TTC7B: variants seen among roughly 807,000 people sequenced by gnomAD.
TTC7B encodes tetratricopeptide repeat domain 7B, also known as tetratricopeptide repeat protein 7B.
A neutral mutation model predicts 106.8 loss-of-function variants in TTC7B; 28 were observed. That is an observed-to-expected ratio of 0.26 (90% CI 0.19 to 0.36). The LOEUF (loss-of-function observed/expected upper bound fraction) is 0.36. Among genes scored for constraint, TTC7B ranks in the 10% least tolerant of loss-of-function variants. The probability of loss-of-function intolerance (pLI) is 1.00; values close to 1 mark genes in which losing one functional copy is unlikely to be tolerated. For missense variants in TTC7B, 862 were observed against 1,076.4 expected (o/e 0.80, Z 2.79); for synonymous variants, 405 against 430.6 (o/e 0.94, Z 0.74).
At chr14:90,688,086 C>A (rs919084472) in intron 7 of TTC7B, among the ~76,000 whole-genome samples, 3 of 152,236 alleles carry the variant, frequency 2.0e-5, no homozygotes, top group African/African-American at 7.2e-5. Context: ...CTCATCCTCT[C>A]AGCTGTTTTT....
chr14:90,770,102 T>A lies in TTC7B; in HGVS notation c.445+10636A>T, dbSNP rs115805708. On this transcript the variant is annotated intron_variant, in intron 3 of 19. Transcript: ENST00000328459. ...AGTTCAAAGTTACAGTGAGCTATGA[T>A]AGCACCACTGCAATCCAGCCTGGGC... Among the ~76,000 whole-genome samples the A allele has an allele frequency of 3.8e-3, 575 of 152,252 alleles. 2 individuals are homozygous for A. Among genetic ancestry groups the A allele is most frequent in the African/African-American group, 0.013 (556 of 41,566 alleles).
At chr14:90,601,908 C>T (rs1288500072) in intron 17 of TTC7B, 1 of 311,986 alleles carries the variant, frequency 3.2e-6, no homozygotes, top group Non-Finnish European at 6.3e-6. Context: ...GGCGAGTTGC[C>T]GGGTGACTCC....
chr14:90,812,974 A>G lies in TTC7B; in HGVS notation c.121+3201T>C, dbSNP rs79348953. Among the ~76,000 whole-genome samples the G allele has an allele frequency of 2.4e-3, 371 of 152,282 alleles. 3 individuals are homozygous for G. The highest frequency in any genetic ancestry group is 4.1e-3 in the Non-Finnish European group (281 of 68,002). On this transcript the variant is annotated intron_variant, in intron 1 of 19. Transcript: ENST00000328459. ...ATGCTGCTGGGTGGGGAAGCCCACT[A>G]CAAGTGGGAGCTTTGGGAAGGAGGG... is the stretch of plus-strand genomic sequence containing the variant.
chr14:90,541,889 C>T (rs1028646729), intron 19 of TTC7B, among the ~76,000 whole-genome samples: 5 of 152,252 alleles, frequency 3.3e-5, no homozygotes, highest in African/African-American at 1.2e-4. Context: ...AGTCCGCAGT[C>T]TGCACTGACC....
At chr14:90,646,930 G>A in intron 14 of TTC7B, 21 bp downstream of exon 14, 1 of 1,607,228 alleles carries the variant, frequency 6.2e-7, no homozygotes, top group Non-Finnish European at 8.5e-7. Flanking sequence ...AGCAAGTATA[G>A]GAAACATTAG....
At position 90,759,677 on chromosome 14, in the gene TTC7B, A is replaced by G. The variant is rs890339136; in HGVS notation, c.446-14755T>C. On this transcript the variant is annotated intron_variant, in intron 3 of 19. Transcript: ENST00000328459. The surrounding 1 kb of genome is among the most constrained non-coding windows in gnomAD (Gnocchi z 4.1). ...AGTGTAGGCAGAAGAGGCATTAGAC[A>G]CAAGAGTATTTGTTTTTATATCAGG... Among the ~76,000 whole-genome samples the G allele has an allele frequency of 6.6e-6, 1 of 152,244 alleles. No individual in the cohort carries two copies. The highest frequency in any genetic ancestry group is 1.5e-5 in the Non-Finnish European group (1 of 68,040).
chr14:90,658,024 A>G (rs1004193681), intron 10 of TTC7B: 1 of 435,000 alleles, frequency 2.3e-6, no homozygotes, highest in African/African-American at 2.0e-5. Flanking sequence ...GTGTCTGTGT[A>G]AAACATCAGC....
chr14:90,741,661 T>A (rs924974782), intron 4 of TTC7B, among the ~76,000 whole-genome samples: 1 of 152,152 alleles, frequency 6.6e-6, no homozygotes, highest in African/African-American at 2.4e-5. Context: ...GTCAATTAAG[T>A]TCAACATTTA....
chr14:90,709,736 G>T (rs1240160899), intron 5 of TTC7B, among the ~76,000 whole-genome samples: 1 of 151,514 alleles, frequency 6.6e-6, no homozygotes, highest in Non-Finnish European at 1.5e-5. Flanking sequence ...GAATATTTAT[G>T]AGCAATTACA....
intron 9 of TTC7B, among the ~76,000 whole-genome samples, chr14:90,666,065 G>C (rs1886397428): frequency 2.0e-5 from 3 of 152,192 alleles, no homozygotes; most frequent in Admixed American, 2.0e-4. Context: ...CTAAGACCCA[G>C]AGAGGAGACA....
chr14:90,718,789 C>T (rs1285212228), intron 5 of TTC7B, among the ~76,000 whole-genome samples: 1 of 143,438 alleles, frequency 7.0e-6, no homozygotes, highest in Non-Finnish European at 1.5e-5. Flanking sequence ...GGATGCACAA[C>T]TATACACCAG....
rs541319175 is a variant in TTC7B at position 90,771,890 on chromosome 14, CAT to C, written c.445+8846_445+8847del. ...TTTAAAAATAAATATTAAGTATATA[CAT>C]ATATATGTATATATTTCTTTATTTT... On this transcript the variant is annotated intron_variant, in intron 3 of 19. Transcript: ENST00000328459. Among the ~76,000 whole-genome samples the C allele has an allele frequency of 1.0e-3, 151 of 144,208 alleles. 1 individual carries two copies. Among genetic ancestry groups the C allele is most frequent in the Middle Eastern group, 3.7e-3 (1 of 270 alleles). 94.6% of individuals were successfully genotyped at this position (144,208 alleles called of 152,430 possible).
In TTC7B at chr14:90,537,188, T is replaced by C. The variant is rs1340758709; in HGVS notation, c.*4180A>G. 2 of 152,170 alleles carry C rather than the reference T, an allele frequency of 1.3e-5. No individual in the cohort carries two copies. The highest frequency in any genetic ancestry group is 6.5e-5 in the Admixed American group (1 of 15,284). The allele number at this position is 152,170 out of a possible 1,614,324, so 9.4% of individuals were successfully genotyped here. ...GCTAAGTTTGCGGTCATTTAAAATT[T>C]TTAATTTATTTTATTTGTAGAGATA... On this transcript the variant is annotated 3_prime_UTR_variant, in exon 20 of 20. Coordinates refer to ENST00000328459, the MANE Select transcript of TTC7B (RefSeq NM_001010854.2).
rs947989037 is a variant in TTC7B at position 90,808,730 on chromosome 14, G to T, written c.121+7445C>A. ...CAGAAAACCTCATCCCTCTTCCTGG[G>T]CTTCCCAGGTGGGAGACACTGGCTT... On this transcript the variant is annotated intron_variant, in intron 1 of 19. Coordinates refer to ENST00000328459, the MANE Select transcript of TTC7B (RefSeq NM_001010854.2). This position sits in a 1 kb window ranked among gnomAD's most constrained non-coding sequence, Gnocchi z 4.2. 6.6e-6 allele frequency among the ~76,000 whole-genome samples: 1 copy of T among 152,156 alleles called. No individual in the cohort carries two copies. Among genetic ancestry groups the T allele is most frequent in the Admixed American group, 6.5e-5 (1 of 15,278 alleles).
At chr14:90,586,790 G>T (rs1166757063) in intron 18 of TTC7B, among the ~76,000 whole-genome samples, 2 of 152,112 alleles carry the variant, frequency 1.3e-5, no homozygotes, top group African/African-American at 4.8e-5. Flanking sequence ...TCAGGCACCC[G>T]ACACTTCCAA....
chr14:90,546,744 C>A (rs1302497335), intron 19 of TTC7B, among the ~76,000 whole-genome samples: 6 of 152,220 alleles, frequency 3.9e-5, no homozygotes, highest in Non-Finnish European at 8.8e-5. Flanking sequence ...GCCCCCATAT[C>A]AAACCCAACA....
At chr14:90,616,965 C>T (rs972296685) in intron 16 of TTC7B, among the ~76,000 whole-genome samples, 4 of 152,212 alleles carry the variant, frequency 2.6e-5, no homozygotes, top group Non-Finnish European at 5.9e-5. Flanking sequence ...TGAATCATTA[C>T]ATCCCTTCTC....
At chr14:90,679,738 T>C (rs979502666) in intron 8 of TTC7B, among the ~76,000 whole-genome samples, 1 of 152,202 alleles carries the variant, frequency 6.6e-6, no homozygotes, top group Non-Finnish European at 1.5e-5. Context: ...ACTACACACA[T>C]GATCCTGAAG....
Position 90,578,186 on chromosome 14 carries a change from C to G in TTC7B, c.2230G>C (p.Gly744Arg). Reference sequence around the variant, plus strand: ...CACCGCCGCGCCTCGTCCATGCTTCCCCGGAGCTCAGCAATCTGGCCGCGC... The same window carrying G: ...CACCGCCGCGCCTCGTCCATGCTTCGCCGGAGCTCAGCAATCTGGCCGCGC... ...YMRGQIAELR[G>R]SMDEARRWYE... is the part of the protein sequence containing the mutation. The change falls in exon 19 of 20, where the codon GGA becomes CGA. Residue 744 changes from glycine to arginine, a missense_variant. Transcript: ENST00000328459. This position sits in a 1 kb window ranked among gnomAD's most constrained non-coding sequence, Gnocchi z 4.7. The G allele has an allele frequency of 6.2e-7, 1 of 1,614,100 alleles. No individual in the cohort carries two copies. Among genetic ancestry groups the G allele is most frequent in the Non-Finnish European group, 8.5e-7 (1 of 1,180,012 alleles).
Sources: gnomAD v4.1 joint callset for allele counts (sites outside exome capture counted in the v4.1 genomes callset) on GRCh38, gnomAD v4.1.1 for gene constraint, Gnocchi (gnomAD v3.1) non-coding constraint, MANE v1.5 for transcripts, NCBI Gene and HGNC (gene_info 2026-07-23, HGNC 2026-07-21) for gene names.